AXIN2: variants seen among roughly 807,000 people sequenced by gnomAD.
AXIN2 encodes axin-2.
Under a neutral mutation model 74.7 loss-of-function variants are expected in AXIN2, and 21 were observed. The observed-to-expected ratio is 0.28, with a 90% CI of 0.20 to 0.40. The LOEUF (loss-of-function observed/expected upper bound fraction) is 0.40, where lower values mean the gene tolerates loss of function less well. Ranked by LOEUF, AXIN2 falls within the 10% of genes least tolerant of loss-of-function variation. The pLI, the probability that AXIN2 is intolerant of heterozygous loss-of-function variation, is 1.00. For missense variants in AXIN2, 1,144 were observed against 1,111.1 expected (o/e 1.03, Z -0.42); for synonymous variants, 532 against 454.9 (o/e 1.17, Z -2.16).
intron 2 of AXIN2, among the ~76,000 whole-genome samples, chr17:65,552,516 C>T (rs1242408102): frequency 6.6e-6 from 1 of 152,172 alleles, no homozygotes; most frequent in African/African-American, 2.4e-5. Flanking sequence ...TCAGTAGGGA[C>T]CAGAAGTCAG....
Position 65,561,485 on chromosome 17 carries a change from GCC to G in AXIN2, c.-154_-153del, listed in dbSNP as rs886647663. The G allele has an allele frequency of 6.0e-5, 9 of 150,236 alleles. No individual in the cohort carries two copies. Among genetic ancestry groups the G allele is most frequent in the African/African-American group, 2.2e-4 (9 of 41,376 alleles). 9.3% of individuals were successfully genotyped at this position (150,236 alleles called of 1,614,324 possible). ...AGGGCCTTCGGCGGGCGCCTCGGCC[GCC>G]GGGCGGCCCCGAAATCCATCGCTCT... is the stretch of plus-strand genomic sequence containing the variant. On this transcript the variant is annotated 5_prime_UTR_variant, in exon 1 of 11. It removes the in-frame stop codon of an upstream open reading frame in the 5' UTR. Coordinates refer to ENST00000307078, the MANE Select transcript of AXIN2 (RefSeq NM_004655.4).
intron 6 of AXIN2, 85 bp downstream of exon 6, chr17:65,537,239 A>C: frequency 6.3e-7 from 1 of 1,591,360 alleles, no homozygotes. Context: ...AAATGCCTGT[A>C]ATGCGGCTCC....
In AXIN2 at chr17:65,536,543, T is replaced by G. The variant is rs1060502157; in HGVS notation, c.1918A>C (p.Thr640Pro). ...SKPKPHSAQS[T>P]KKAYPLESAR... The stretch of plus-strand genomic sequence containing the variant: ...GACTCCAAGGGGTAGGCCTTTTTTG[T>G]GCTTTGGGCACTAAACAAGGAATGA... The change falls in exon 8 of 11, where the codon ACA becomes CCA. Residue 640 changes from threonine (T) to proline (P), a missense_variant. Coordinates refer to ENST00000307078, the MANE Select transcript of AXIN2 (RefSeq NM_004655.4). 1.4e-5 allele frequency: 23 copies of G among 1,613,610 alleles called. No homozygotes were observed. The highest frequency in any genetic ancestry group is 1.8e-5 in the Non-Finnish European group (21 of 1,180,002).
At position 65,558,708 on chromosome 17, in the gene AXIN2, G is replaced by A; in HGVS notation, c.-88C>T. The stretch of plus-strand genomic sequence containing the variant: ...GGCGTGGTCTCTCTGTCTCTCTCAA[G>A]TCAGCAGGGGCTCATCTGAACCTCC... On this transcript the variant is annotated 5_prime_UTR_variant, in exon 2 of 11. Transcript: ENST00000307078. The A allele has an allele frequency of 7.5e-7, 1 of 1,332,432 alleles. No homozygotes were observed. The highest frequency in any genetic ancestry group is 2.0e-5 in the Admixed American group (1 of 51,146). 82.5% of individuals were successfully genotyped at this position (1,332,432 alleles called of 1,614,324 possible). A position where few individuals can be genotyped will look rare whatever the true frequency, so the allele number is the denominator to read the frequency against.
chr17:65,541,561 A>G lies in AXIN2; in HGVS notation c.957-4T>C. The G allele has an allele frequency of 6.2e-7, 1 of 1,611,646 alleles. No individual in the cohort carries two copies. Among genetic ancestry groups the G allele is most frequent in the South Asian group, 1.1e-5 (1 of 91,050 alleles). On this transcript the variant is annotated splice_region_variant and splice_polypyrimidine_tract_variant and intron_variant, in intron 3 of 10. Coordinates refer to ENST00000307078, the MANE Select transcript of AXIN2 (RefSeq NM_004655.4). ...ACGATAAGGAGGAATTCCATCTCTA[A>G]GGGAAAGGAAAAGACAGAATCCACA...
intron 2 of AXIN2, among the ~76,000 whole-genome samples, chr17:65,551,867 A>T (rs550665312): frequency 2.0e-5 from 3 of 152,346 alleles, no homozygotes; most frequent in African/African-American, 7.2e-5. Context: ...GACTGCATCA[A>T]GTCAGATCTT....
chr17:65,537,382 A>G lies in AXIN2; in HGVS notation c.1654T>C (p.Tyr552His). The change falls in exon 6 of 11, where the codon TAC (tyrosine) becomes CAC (histidine). Residue 552 changes from tyrosine to histidine, a missense_variant. Tyr to His is a moderately conservative substitution (Grantham distance 83). Transcript: ENST00000307078. Reference sequence around the variant, plus strand: ...TTGGAGTGGCTTTTGCATTTCGAGTAGCAGTAATACTCGCTGCCCCCAGGG... The same window carrying G: ...TTGGAGTGGCTTTTGCATTTCGAGTGGCAGTAATACTCGCTGCCCCCAGGG... ...FCPGGSEYYC[Y>H]SKCKSHSKAP... The G allele has an allele frequency of 6.2e-7, 1 of 1,614,068 alleles. No individual in the cohort carries two copies. The highest frequency in any genetic ancestry group is 8.5e-7 in the Non-Finnish European group (1 of 1,180,022).
intron 1 of AXIN2, chr17:65,561,180 T>A (rs902911551): frequency 6.7e-6 from 1 of 149,478 alleles, no homozygotes; most frequent in Admixed American, 6.6e-5. Flanking sequence ...AAAACTGCGC[T>A]GTGGATTTAA....
chr17:65,531,432 CG>C (rs1309385173), intron 10 of AXIN2, among the ~76,000 whole-genome samples: 2 of 151,200 alleles, frequency 1.3e-5, no homozygotes, highest in African/African-American at 4.9e-5. Flanking sequence ...CTCGGGGGAG[CG>C]TGAGAGGAGA....
Position 65,557,935 on chromosome 17 carries a change from T to C in AXIN2, c.686A>G (p.Asn229Ser), listed in dbSNP as rs764704332. The change falls in exon 2 of 11, where the codon AAT (asparagine) becomes AGT (serine). Residue 229 changes from asparagine (N) to serine (S), a missense_variant. Coordinates refer to ENST00000307078, the MANE Select transcript of AXIN2 (RefSeq NM_004655.4). ...GGCACAAGTCCACTCCTCTTCTTCA[T>C]TCAAGGTGGGGAGATAGCCACACAC... Reference protein sequence around the residue: ...KVVCGYLPTLNEEEEWTCADF... With the variant: ...KVVCGYLPTLSEEEEWTCADF... 2 of 1,614,166 alleles carry C rather than the reference T, an allele frequency of 1.2e-6. No individual in the cohort carries two copies. The highest frequency in any genetic ancestry group is 1.3e-5 in the African/African-American group (1 of 75,040).
Position 65,538,247 on chromosome 17 carries a change from C to T in AXIN2, c.1156G>A (p.Glu386Lys), listed in dbSNP as rs1173549577. The change falls in exon 5 of 11, where the codon GAG becomes AAG. Residue 386 changes from glutamate (E) to lysine (K), a missense_variant. Glu to Lys is a moderately conservative substitution (Grantham distance 56). This residue lies in a region of AXIN2 where 1,053 missense variants were observed against 973.5 expected (regional missense o/e 1.08). Transcript: ENST00000307078. ...SRLEKLKLEL[E>K]SRHSLEERLQ... ...CGCTCCTCCAGGCTGTGGCGGCTCT[C>T]CAACTCCAGCTTCAGCTTTTCCAGC... 6.2e-7 allele frequency: 1 copy of T among 1,614,172 alleles called. No homozygotes were observed. The highest frequency in any genetic ancestry group is 1.1e-5 in the South Asian group (1 of 91,086).
At chr17:65,548,330 A>C (rs1379601847) in intron 3 of AXIN2, among the ~76,000 whole-genome samples, 1 of 152,198 alleles carries the variant, frequency 6.6e-6, no homozygotes, top group East Asian at 1.9e-4. Flanking sequence ...TTTCCCTCCA[A>C]CTGGTCCCAT....
chr17:65,536,394 G>C lies in AXIN2; in HGVS notation c.2067C>G (p.Thr689=), dbSNP rs2144440522. The part of the protein sequence containing the change: ...FTQDPAMPPL[T]PPNTLAQLEE... Reference sequence around the variant, plus strand: ...CCAGCTGAGCCAGCGTGTTGGGTGGGGTCAGGGGAGGCATCGCAGGGTCCT... The same window carrying C: ...CCAGCTGAGCCAGCGTGTTGGGTGGCGTCAGGGGAGGCATCGCAGGGTCCT... Residue 689 remains threonine (T), a synonymous_variant, in exon 8 of 11, where the codon ACC becomes ACG. Transcript: ENST00000307078. 1.9e-6 allele frequency: 3 copies of C among 1,613,818 alleles called. No individual in the cohort carries two copies. Among genetic ancestry groups the C allele is most frequent in the Non-Finnish European group, 2.5e-6 (3 of 1,180,014 alleles).
At chr17:65,554,650 A>C (rs2044241389) in intron 2 of AXIN2, among the ~76,000 whole-genome samples, 1 of 152,190 alleles carries the variant, frequency 6.6e-6, no homozygotes, top group African/African-American at 2.4e-5. Flanking sequence ...CTCATCAGCG[A>C]GTTCTTTCAG....
At chr17:65,546,782 T>A (rs1462877150) in intron 3 of AXIN2, among the ~76,000 whole-genome samples, 1 of 152,210 alleles carries the variant, frequency 6.6e-6, no homozygotes, top group Non-Finnish European at 1.5e-5. Context: ...CACGGGTCTC[T>A]AGGCCTTGCA....
chr17:65,561,165 C>CA (rs2044367248), intron 1 of AXIN2: 1 of 149,962 alleles, frequency 6.7e-6, no homozygotes, highest in South Asian at 2.1e-4. Flanking sequence ...CGGGCGCTTC[C>CA]AACAAAAACT....
At chr17:65,551,467 G>A (rs189450622) in intron 2 of AXIN2, among the ~76,000 whole-genome samples, 18 of 152,282 alleles carry the variant, frequency 1.2e-4, no homozygotes, top group Admixed American at 3.3e-4. Context: ...GGGGACAGCA[G>A]GGGTGCCAGG....
intron 1 of AXIN2, chr17:65,559,491 C>A (rs8080680): frequency 6.6e-6 from 1 of 151,178 alleles, no homozygotes; most frequent in Non-Finnish European, 1.5e-5. Flanking sequence ...TCCCTGACCT[C>A]CCCCCAAACC....
At chr17:65,538,015 C>G (rs2043969393) in intron 5 of AXIN2, 180 bp from the exon 6 acceptor site, 1 of 1,321,260 alleles carries the variant, frequency 7.6e-7, no homozygotes, top group African/African-American at 1.5e-5. Flanking sequence ...CGCATATGCA[C>G]ACCCACACGC....
Sources: gnomAD v4.1 joint callset for allele counts (sites outside exome capture counted in the v4.1 genomes callset) on GRCh38, gnomAD v4.1.1 for gene constraint, gnomAD v4.1.1 regional missense constraint, MANE v1.5 for transcripts, NCBI Gene and HGNC (gene_info 2026-07-23, HGNC 2026-07-21) for gene names.